The following NECTIN3 variants were observed in gnomAD, a reference collection of about 807,000 sequenced individuals.
The protein encoded by NECTIN3 is nectin cell adhesion molecule 3.
NECTIN3 carries 8 observed loss-of-function variants against 49.4 expected under a neutral mutation model. The ratio of observed to expected loss-of-function variants is 0.16; its 90% CI spans 0.10 to 0.29. The LOEUF is 0.29. Ranked by LOEUF, NECTIN3 falls within the 10% of genes least tolerant of loss-of-function variation. The pLI, the probability that NECTIN3 is intolerant of heterozygous loss-of-function variation, is 1.00. For missense variants in NECTIN3, 581 were observed against 654.6 expected (o/e 0.89, Z 1.23); for synonymous variants, 277 against 241.1 (o/e 1.15, Z -1.38).
intron 7 of NECTIN3, among the ~76,000 whole-genome samples, chr3:111,166,772 T>G (rs2035326406): frequency 6.6e-6 from 1 of 152,244 alleles, no homozygotes; most frequent in Admixed American, 6.5e-5. Context: ...TTGGGTCCAT[T>G]CTCTTTGGCT....
At chr3:111,137,769 C>CT (rs3081495), downstream of NECTIN3, among the ~76,000 whole-genome samples, 19,491 of 99,976 alleles carry the variant, frequency 0.19, 2,669 homozygotes, top group African/African-American at 0.39. Context: ...AAATTTTTTC[C>CT]TTTTTTTTTT....
intron 1 of NECTIN3, among the ~76,000 whole-genome samples, chr3:111,103,221 A>G (rs575918358): frequency 2.0e-5 from 3 of 152,312 alleles, no homozygotes; most frequent in Non-Finnish European, 2.9e-5. Context: ...TGTTGAATCT[A>G]TAGATCTAGC....
intron 7 of NECTIN3, among the ~76,000 whole-genome samples, chr3:111,173,250 GT>G (rs2035466331): frequency 6.6e-6 from 1 of 152,272 alleles, no homozygotes; most frequent in Middle Eastern, 3.4e-3. Context: ...TACAAGACCA[GT>G]GATCTTTTCC....
upstream of NECTIN3, among the ~76,000 whole-genome samples, chr3:111,188,816 G>A (rs2035765239): frequency 6.6e-6 from 1 of 152,186 alleles, no homozygotes; most frequent in African/African-American, 2.4e-5. Flanking sequence ...TCAGCAAAGT[G>A]TGAATGATCA....
At chr3:111,169,074 T>C (rs1353047876) in intron 7 of NECTIN3, among the ~76,000 whole-genome samples, 1 of 147,966 alleles carries the variant, frequency 6.8e-6, no homozygotes, top group Non-Finnish European at 1.5e-5. Context: ...TCAGGACTAT[T>C]CAAACTTTTT....
chr3:111,081,679 A>G (rs1402963462), intron 1 of NECTIN3, among the ~76,000 whole-genome samples: 1 of 152,202 alleles, frequency 6.6e-6, no homozygotes, highest in Non-Finnish European at 1.5e-5. Context: ...GAAGACTTAG[A>G]GGAGCTAATT....
At chr3:111,114,371 G>T (rs750622922) in intron 2 of NECTIN3, among the ~76,000 whole-genome samples, 2 of 151,694 alleles carry the variant, frequency 1.3e-5, no homozygotes, top group East Asian at 1.9e-4. Context: ...TTCTTGACCC[G>T]TTTCCCCAAA....
intron 1 of NECTIN3, among the ~76,000 whole-genome samples, chr3:111,094,833 G>T (rs139129502): frequency 4.6e-4 from 70 of 152,276 alleles, no homozygotes; most frequent in African/African-American, 1.7e-3. Context: ...CTCCTAGAAG[G>T]AAAGTAGTTA....
intron 7 of NECTIN3, among the ~76,000 whole-genome samples, chr3:111,175,917 T>A (rs1055043685): frequency 2.6e-5 from 4 of 152,198 alleles, no homozygotes; most frequent in Admixed American, 6.5e-5. Context: ...AAAAATTTAT[T>A]TCCTCTACTA....
intron 1 of NECTIN3, among the ~76,000 whole-genome samples, chr3:111,090,524 T>C (rs774991788): frequency 5.3e-5 from 8 of 151,790 alleles, no homozygotes; most frequent in Non-Finnish European, 1.2e-4. Context: ...TATTTAACTA[T>C]CTTATCCTCA....
chr3:111,102,219 T>G (rs2032944653), intron 1 of NECTIN3, among the ~76,000 whole-genome samples: 1 of 152,176 alleles, frequency 6.6e-6, no homozygotes, highest in Non-Finnish European at 1.5e-5. Flanking sequence ...GAATGTACAA[T>G]TTTAAGGTGA....
rs1052523325 is a variant in NECTIN3 at position 111,134,879 on chromosome 3, T to C, written c.*664T>C. On this transcript the variant is annotated 3_prime_UTR_variant, in exon 6 of 6. Transcript: ENST00000485303. ...ACTGTGGTAGTAAACTCAGTGAACA[T>C]GATGTGTGGAAGAGCATAATTAGCT... 2 of 983,756 alleles carry C rather than the reference T, an allele frequency of 2.0e-6. No homozygotes were observed. The highest frequency in any genetic ancestry group is 2.4e-6 in the Non-Finnish European group (2 of 828,518). The allele number at this position is 983,756 out of a possible 1,614,324, so 60.9% of individuals were successfully genotyped here. A position where few individuals can be genotyped will look rare whatever the true frequency, so the allele number is the denominator to read the frequency against.
intron 7 of NECTIN3, among the ~76,000 whole-genome samples, chr3:111,149,437 G>A (rs913497589): frequency 6.7e-6 from 1 of 149,292 alleles, no homozygotes; most frequent in Admixed American, 6.7e-5. Context: ...CTAGAAACCA[G>A]ATAAGCCTCT....
intron 3 of NECTIN3, among the ~76,000 whole-genome samples, chr3:111,119,737 A>C (rs548014468): frequency 6.6e-6 from 1 of 152,362 alleles, no homozygotes; most frequent in East Asian, 1.9e-4. Context: ...CAGGTAGTAA[A>C]AAAGGTGATG....
chr3:111,072,366 T>TGCTGAA (rs2030828815), intron 1 of NECTIN3, 189 bp downstream of exon 1: 6 of 1,482,052 alleles, frequency 4.0e-6, no homozygotes, highest in Non-Finnish European at 5.3e-6. Flanking sequence ...GGCCAGCGAA[T>TGCTGAA]GCTGAGCCGG....
intron 7 of NECTIN3, among the ~76,000 whole-genome samples, chr3:111,170,978 T>G (rs756625034): frequency 7.2e-5 from 11 of 152,216 alleles, no homozygotes; most frequent in Non-Finnish European, 1.0e-4. Flanking sequence ...TAACTTCTAT[T>G]CCTTGCTGCC....
intron 7 of NECTIN3, among the ~76,000 whole-genome samples, chr3:111,185,404 C>CA (rs899000398): frequency 6.6e-6 from 1 of 152,088 alleles, no homozygotes; most frequent in African/African-American, 2.4e-5. Context: ...CACAGTTGTT[C>CA]AGTGTCTGAA....
chr3:111,148,103 C>G (rs1225928138), intron 7 of NECTIN3, among the ~76,000 whole-genome samples: 2 of 152,128 alleles, frequency 1.3e-5, no homozygotes, highest in Non-Finnish European at 2.9e-5. Context: ...TCTCTATCAC[C>G]CATACAACAT....
intron 7 of NECTIN3, among the ~76,000 whole-genome samples, chr3:111,169,294 G>A (rs939299629): frequency 4.7e-5 from 7 of 148,356 alleles, no homozygotes; most frequent in Admixed American, 4.0e-4. Flanking sequence ...GTTTCACCAT[G>A]TTAGCCAGGA....
Sources: gnomAD v4.1 joint callset for allele counts (sites outside exome capture counted in the v4.1 genomes callset) on GRCh38, gnomAD v4.1.1 for gene constraint, MANE v1.5 for transcripts, NCBI Gene and HGNC (gene_info 2026-07-23, HGNC 2026-07-21) for gene names.